Variants in PDZD7 observed in about 807,000 individuals in gnomAD.
PDZD7 encodes the protein PDZ domain containing 7, also known as PDZ domain-containing protein 7.
In PDZD7, 72 loss-of-function variants were observed where a neutral mutation model predicts 84.7. The observed-to-expected ratio is 0.85, with a 90% CI of 0.70 to 1.03. The LOEUF is 1.03. PDZD7 is among the 50% of genes least tolerant of loss of function. The pLI, the probability that PDZD7 is intolerant of heterozygous loss-of-function variation, is 0.00. For missense variants in PDZD7, 1,490 were observed against 1,412.9 expected, an observed-to-expected ratio of 1.05 and a Z score of -0.87; for synonymous variants, 594 against 580.7, an observed-to-expected ratio of 1.02 and a Z score of -0.33.
At chr10:101,017,895 AGAAAGAAAGAAAGAAAGAAAAG>A (rs1564632717) in intron 9 of PDZD7, 182 bp downstream of exon 9, 7 of 401,178 alleles carry the variant, frequency 1.7e-5, no homozygotes, top group Non-Finnish European at 3.0e-5. Flanking sequence ...AAGAAAGAAA[AGAAAGAAAGAAAGAAAGAAAAG>A]AAAGAAAGAA....
intron 11 of PDZD7, among the ~76,000 whole-genome samples, chr10:101,014,579 C>A (rs1227113128): frequency 1.3e-5 from 2 of 152,140 alleles, no homozygotes; most frequent in Non-Finnish European, 2.9e-5. Context: ...CTTCCCCCAG[C>A]ACACACCCCT....
rs794727142 is a variant in PDZD7 at position 101,010,451 on chromosome 10, T to G, written c.2438A>C (p.His813Pro). Residue 813 changes from histidine (H) to proline (P), a missense_variant, in exon 15 of 17, where the codon CAC becomes CCC. Transcript: ENST00000619208. ...PAPSMTNGRY[H>P]KPRKARPPLP... is the part of the protein sequence containing the mutation. ...AGGGGGTCTGGCCTTCCGAGGCTTG[T>G]GGTAGCGCCCATTGGTCATGCTGGG... 14 of 1,535,892 alleles carry G rather than the reference T, an allele frequency of 9.1e-6. No homozygotes were observed. The highest frequency in any genetic ancestry group is 1.2e-5 in the Non-Finnish European group (14 of 1,146,860).
Position 101,019,143 on chromosome 10 carries a change from C to A in PDZD7, c.1003G>T (p.Ala335Ser). The A allele has an allele frequency of 6.5e-7, 1 of 1,544,338 alleles. No individual in the cohort carries two copies. Among genetic ancestry groups the A allele is most frequent in the Non-Finnish European group, 8.7e-7 (1 of 1,151,296 alleles). ...GGCAGGGAGCCCGAGCTGTAGGGGG[C>A]GCTGGAGGCGCACGAAGAGACGCTG... ...SSSVSSCASS[A>S]PYSSGSLPSD... is the part of the protein sequence containing the mutation. Residue 335 changes from alanine to serine, a missense_variant, in exon 8 of 17, where the codon GCC (alanine) becomes TCC (serine). Transcript: ENST00000619208.
intron 9 of PDZD7, chr10:101,017,892 A>AAAGGAAAGAAAG (rs71013483): frequency 1.6e-5 from 2 of 128,188 alleles, no homozygotes; most frequent in African/African-American, 1.0e-4. Flanking sequence ...AGAAAGAAAG[A>AAAGGAAAGAAAG]AAAGAAAGAA....
Position 101,023,588 on chromosome 10 carries a change from C to T in PDZD7, c.390G>A (p.Gly130=), listed in dbSNP as rs747237802. 5 of 1,613,148 alleles carry T rather than the reference C, an allele frequency of 3.1e-6. No homozygotes were observed. The highest frequency in any genetic ancestry group is 4.5e-5 in the East Asian group (2 of 44,862). Reference sequence around the variant, plus strand: ...GCCCATTCACCTCCGTGATCTTGTCCCCCACGCACAGGCCAGCCCGCTCTG... The same window carrying T: ...GCCCATTCACCTCCGTGATCTTGTCTCCCACGCACAGGCCAGCCCGCTCTG... ...SSAERAGLCV[G]DKITEVNGLS... is the part of the protein sequence containing the mutation. The change falls in exon 4 of 17, where the codon GGG becomes GGA. Residue 130 remains glycine (G), a synonymous_variant. Coordinates refer to ENST00000619208, the MANE Select transcript of PDZD7 (RefSeq NM_001195263.2).
At chr10:101,015,049 C>A (rs1171912353) in intron 11 of PDZD7, among the ~76,000 whole-genome samples, 2 of 152,210 alleles carry the variant, frequency 1.3e-5, no homozygotes, top group Non-Finnish European at 2.9e-5. Context: ...GACTCTCTCT[C>A]CACCCTGGGG....
At chr10:101,018,766 A>T in intron 8 of PDZD7, 56 bp downstream of exon 8, 1 of 1,511,562 alleles carries the variant, frequency 6.6e-7, no homozygotes, top group East Asian at 2.3e-5. Flanking sequence ...AGGATGTGAG[A>T]CAGGTTTTGG....
At chr10:101,020,101 A>AATTATT (rs554435737) in intron 7 of PDZD7, among the ~76,000 whole-genome samples, 15 of 147,420 alleles carry the variant, frequency 1.0e-4, no homozygotes, top group African/African-American at 2.8e-4. Context: ...TTAATTTTTA[A>AATTATT]ATTATTATTA....
chr10:101,025,525 T>C (rs1937633619), intron 2 of PDZD7, among the ~76,000 whole-genome samples: 1 of 125,106 alleles, frequency 8.0e-6, no homozygotes, highest in Non-Finnish European at 1.6e-5. Flanking sequence ...GAAGGGATTT[T>C]ATTTATTTAT....
rs1342985151 is a variant in PDZD7, at chr10:101,030,110, G to C, written c.110C>G (p.Ser37Cys). The C allele has an allele frequency of 4.3e-6, 7 of 1,614,224 alleles. No homozygotes were observed. Among genetic ancestry groups the C allele is most frequent in the Non-Finnish European group, 5.9e-6 (7 of 1,180,034 alleles). Residue 37 changes from serine (S) to cysteine (C), a missense_variant, in exon 2 of 17, where the codon TCC becomes TGC. Coordinates refer to ENST00000619208, the MANE Select transcript of PDZD7 (RefSeq NM_001195263.2). The part of the protein sequence containing the change: ...SRGHLGSDSG[S>C]TATRYLLRKQ... ...CCTTAGCAGGTATCGCGTTGCGGTG[G>C]AGCCTGAGTCGCTGCCTAGGTGGCC...
intron 14 of PDZD7, 31 bp from the exon 15 acceptor site, chr10:101,010,914 C>T: frequency 6.6e-7 from 1 of 1,515,202 alleles, no homozygotes; most frequent in Non-Finnish European, 8.7e-7. Context: ...CAGCTGCCCA[C>T]TCCTCCCCTC....
intron 16 of PDZD7, 139 bp downstream of exon 16, chr10:101,009,111 A>T: frequency 1.2e-6 from 1 of 832,824 alleles, no homozygotes; most frequent in Admixed American, 2.8e-5. Flanking sequence ...CATCCTGCTC[A>T]CCTGAACCCC....
At position 101,011,341 on chromosome 10, in the gene PDZD7, T is replaced by C. The variant is rs546925930; in HGVS notation, c.2005+349A>G. ...CAGGCGTGAGCCACCGCGCCCGGCC[T>C]AGAATTACATTTTAATGCTTCCTGC... On this transcript the variant is annotated intron_variant, in intron 14 of 16. Transcript: ENST00000619208. 10 of 464,340 alleles carry C rather than the reference T, an allele frequency of 2.2e-5. 1 individual carries two copies. Among genetic ancestry groups the C allele is most frequent in the East Asian group, 1.3e-4 (2 of 15,226 alleles). The allele number at this position is 464,340 out of a possible 1,614,324, so 28.8% of individuals were successfully genotyped here. A position where few individuals can be genotyped will look rare whatever the true frequency, so the allele number is the denominator to read the frequency against.
intron 5 of PDZD7, 63 bp from the exon 6 acceptor site, chr10:101,022,008 A>G: frequency 6.3e-7 from 1 of 1,593,020 alleles, no homozygotes; most frequent in Non-Finnish European, 8.5e-7. Flanking sequence ...CCCACTCCAG[A>G]CCCCCTTCTC....
chr10:101,015,935 CA>C (rs1232947043), intron 10 of PDZD7, 124 bp from the exon 11 acceptor site: 3 of 1,100,088 alleles, frequency 2.7e-6, no homozygotes, highest in Non-Finnish European at 3.8e-6. Flanking sequence ...ATATGCTCCC[CA>C]CCATGGTAGC....
Position 101,010,470 on chromosome 10 carries a change from T to C in PDZD7, c.2419A>G (p.Met807Val). ...GGCTTGTGGTAGCGCCCATTGGTCATGCTGGGGGCAGGGGTAGGCACCGGG... is the reference window on the plus strand; with the variant it reads ...GGCTTGTGGTAGCGCCCATTGGTCACGCTGGGGGCAGGGGTAGGCACCGGG... Reference protein sequence around the residue: ...PSPVPTPAPSMTNGRYHKPRK... With the variant: ...PSPVPTPAPSVTNGRYHKPRK... Residue 807 changes from methionine (M) to valine (V), a missense_variant, in exon 15 of 17, where the codon ATG becomes GTG. Met to Val is a conservative substitution (Grantham distance 21). Transcript: ENST00000619208. 6.5e-7 allele frequency: 1 copy of C among 1,535,824 alleles called. No homozygotes were observed. Among genetic ancestry groups the C allele is most frequent in the Non-Finnish European group, 8.7e-7 (1 of 1,146,706 alleles).
Position 101,015,688 on chromosome 10 carries a change from T to C in PDZD7, c.1697A>G (p.Gln566Arg). ...SRRPLIQDLA[Q>R]RLLTDDEVLA... Reference sequence around the variant, plus strand: ...CACCTCGTCATCAGTCAGCAGCCTCTGGGCCAGGTCCTGAATGAGGGGCCG... The same window carrying C: ...CACCTCGTCATCAGTCAGCAGCCTCCGGGCCAGGTCCTGAATGAGGGGCCG... The change falls in exon 11 of 17, where the codon CAG (glutamine) becomes CGG (arginine). Residue 566 changes from glutamine to arginine, a missense_variant. Physicochemically the swap from Gln to Arg is conservative, Grantham distance 43. Coordinates refer to ENST00000619208, the MANE Select transcript of PDZD7 (RefSeq NM_001195263.2). The C allele has an allele frequency of 4.5e-6, 7 of 1,550,456 alleles. No homozygotes were observed. The highest frequency in any genetic ancestry group is 6.1e-6 in the Non-Finnish European group (7 of 1,146,962).
At chr10:101,020,760 G>T in intron 6 of PDZD7, 82 bp from the exon 7 acceptor site, 1 of 990,086 alleles carries the variant, frequency 1.0e-6, no homozygotes, top group Non-Finnish European at 1.6e-6. Flanking sequence ...TGACAGGATG[G>T]GAGTAAACTT....
At chr10:101,020,739 TG>T in intron 6 of PDZD7, 61 bp from the exon 7 acceptor site, 1 of 1,207,746 alleles carries the variant, frequency 8.3e-7, no homozygotes. Flanking sequence ...AGAGTGAGAA[TG>T]GGGCGGGGGT....
Sources: allele counts gnomAD v4.1 joint callset (sites outside exome capture counted in the v4.1 genomes callset), GRCh38; gene constraint gnomAD v4.1.1; transcripts MANE v1.5; gene names NCBI Gene and HGNC (gene_info 2026-07-23, HGNC 2026-07-21).